The following TNRC6B variants were observed in gnomAD, a reference collection of about 807,000 sequenced individuals.
TNRC6B encodes the protein trinucleotide repeat containing adaptor 6B.
A neutral mutation model predicts 203.6 loss-of-function variants in TNRC6B; 52 were observed. The observed-to-expected ratio is 0.26, with a 90% confidence interval of 0.20 to 0.32. The LOEUF (loss-of-function observed/expected upper bound fraction) is 0.32, where lower values mean the gene tolerates loss of function less well. Among genes scored for constraint, TNRC6B ranks in the 10% least tolerant of loss-of-function variants. The pLI is 1.00. For missense variants in TNRC6B, 1,923 were observed against 2,286.2 expected, an observed-to-expected ratio of 0.84 and a Z score of 3.24; for synonymous variants, 838 against 845.7, an observed-to-expected ratio of 0.99 and a Z score of 0.16.
intron 15 of TNRC6B, among the ~76,000 whole-genome samples, chr22:40,302,124 A>G (rs1191329788): frequency 6.6e-6 from 1 of 152,236 alleles, no homozygotes; most frequent in Non-Finnish European, 1.5e-5. Context: ...AAGTAAGGTT[A>G]TGCCTTTAAC....
chr22:40,316,248 G>T (rs1052830927), intron 21 of TNRC6B, among the ~76,000 whole-genome samples: 1 of 152,056 alleles, frequency 6.6e-6, no homozygotes, highest in Non-Finnish European at 1.5e-5. Context: ...CAGCTACTCG[G>T]GAGGCTGAGG....
At chr22:40,106,621 CTT>C in intron 1 of TNRC6B, 1 of 729,478 alleles carries the variant, frequency 1.4e-6, no homozygotes, top group Admixed American at 1.8e-5. Context: ...CATTTAGTGA[CTT>C]TAGATTTGGG....
intron 3 of TNRC6B, among the ~76,000 whole-genome samples, chr22:40,154,839 T>TGAAAAA (rs1569000652): frequency 8.2e-5 from 1 of 12,166 alleles, no homozygotes; most frequent in African/African-American, 4.0e-4. Context: ...AGACTCTATC[T>TGAAAAA]CAAAAAAAAA....
At chr22:40,188,356 C>G (rs952271442) in intron 1 of TNRC6B, among the ~76,000 whole-genome samples, 4 of 152,070 alleles carry the variant, frequency 2.6e-5, no homozygotes, top group African/African-American at 9.7e-5. Context: ...CTGTGAAGTG[C>G]CCTGTCAGAG....
chr22:40,107,143 G>A (rs2068291940), intron 1 of TNRC6B: 2 of 577,816 alleles, frequency 3.5e-6, no homozygotes, highest in South Asian at 4.4e-5. Context: ...TGTTTGTCAG[G>A]TTTTTAATAC....
intron 1 of TNRC6B, among the ~76,000 whole-genome samples, chr22:40,239,987 T>G (rs2070006189): frequency 6.6e-6 from 1 of 151,986 alleles, no homozygotes; most frequent in Non-Finnish European, 1.5e-5. Flanking sequence ...CCCGCCACCA[T>G]GCCCAGCTAA....
At chr22:40,078,368 T>A (rs1333371254) in intron 1 of TNRC6B, among the ~76,000 whole-genome samples, 1 of 151,384 alleles carries the variant, frequency 6.6e-6, no homozygotes, top group Admixed American at 6.6e-5. Context: ...TACAAAAAAT[T>A]TAAAAATTAG....
At chr22:40,137,759 G>A (rs1160715320) in intron 3 of TNRC6B, among the ~76,000 whole-genome samples, 3 of 152,042 alleles carry the variant, frequency 2.0e-5, no homozygotes, top group Non-Finnish European at 4.4e-5. Context: ...CGAGGCGGGT[G>A]GATTACTTGA....
At chr22:40,206,598 T>C (rs2069481313) in intron 1 of TNRC6B, among the ~76,000 whole-genome samples, 1 of 152,154 alleles carries the variant, frequency 6.6e-6, no homozygotes, top group Admixed American at 6.5e-5. Context: ...TTTTAAAATT[T>C]ATATGGAAAA....
At chr22:40,074,205 C>G (rs2067983125) in intron 1 of TNRC6B, among the ~76,000 whole-genome samples, 1 of 146,644 alleles carries the variant, frequency 6.8e-6, no homozygotes, top group South Asian at 2.1e-4. Context: ...GCTCTCCAGC[C>G]TCGGTGACAG....
upstream of TNRC6B, among the ~76,000 whole-genome samples, chr22:40,177,692 G>A (rs1428289468): frequency 6.6e-6 from 1 of 152,162 alleles, no homozygotes; most frequent in East Asian, 1.9e-4. Context: ...AACCAATAAA[G>A]GTTTTTCTGT....
In TNRC6B at chr22:40,258,071, C is replaced by CTTTTTTTTTTTTTTTTTTT. The variant is rs56078653; in HGVS notation, c.116-3749_116-3731dup. On this transcript the variant is annotated intron_variant, in intron 3 of 22. Transcript: ENST00000454349. The stretch of plus-strand genomic sequence containing the variant: ...GAAATCAGAAAATAGGATACACAGC[C>CTTTTTTTTTTTTTTTTTTT]TTTTTTTTTTTTTTTTTTTTTTTTT... Among the ~76,000 whole-genome samples the CTTTTTTTTTTTTTTTTTTT allele has an allele frequency of 9.1e-4, 26 of 28,712 alleles. 3 individuals are homozygous for CTTTTTTTTTTTTTTTTTTT. The highest frequency in any genetic ancestry group is 1.2e-3 in the Non-Finnish European group (19 of 15,532). The allele number at this position is 28,712 out of a possible 152,430, so 18.8% of individuals were successfully genotyped here.
intron 3 of TNRC6B, among the ~76,000 whole-genome samples, chr22:40,148,031 G>C (rs1168217104): frequency 6.6e-6 from 1 of 152,104 alleles, no homozygotes; most frequent in South Asian, 2.1e-4. Context: ...GAACTTTATG[G>C]CATATAGGTT....
chr22:40,207,422 T>A (rs200382018), intron 1 of TNRC6B, among the ~76,000 whole-genome samples: 30,213 of 84,604 alleles, frequency 0.36, 4,573 homozygotes, highest in South Asian at 0.45. Context: ...AAAAAAAATA[T>A]ATATATATAT....
At chr22:40,119,099 A>G (rs533277292) in intron 2 of TNRC6B, among the ~76,000 whole-genome samples, 1 of 152,242 alleles carries the variant, frequency 6.6e-6, no homozygotes, top group South Asian at 2.1e-4. Flanking sequence ...AAATATTAAC[A>G]TATTTGGCAA....
intron 3 of TNRC6B, among the ~76,000 whole-genome samples, chr22:40,150,836 A>T (rs1192333819): frequency 6.6e-6 from 1 of 152,102 alleles, no homozygotes; most frequent in Non-Finnish European, 1.5e-5. Flanking sequence ...ATAGATGAGG[A>T]TGTATAGCTG....
chr22:40,151,887 G>T (rs1265092514), intron 3 of TNRC6B, among the ~76,000 whole-genome samples: 2 of 139,518 alleles, frequency 1.4e-5, no homozygotes, highest in African/African-American at 2.8e-5. Flanking sequence ...AAAGAAGAAA[G>T]AAAGCAAATC....
chr22:40,166,753 A>G (rs1160036792), intron 4 of TNRC6B, among the ~76,000 whole-genome samples: 1 of 151,928 alleles, frequency 6.6e-6, no homozygotes, highest in Non-Finnish European at 1.5e-5. Context: ...AAATTAGCTA[A>G]GCGTGGTGGC....
intron 3 of TNRC6B, among the ~76,000 whole-genome samples, chr22:40,151,564 A>AAAAG (rs2068755337): frequency 6.6e-6 from 1 of 151,228 alleles, no homozygotes; most frequent in Non-Finnish European, 1.5e-5. Flanking sequence ...AAAAAAGAAA[A>AAAAG]AAACTAAAAC....
Sources: allele counts gnomAD v4.1 joint callset (sites outside exome capture counted in the v4.1 genomes callset), GRCh38; gene constraint gnomAD v4.1.1; transcripts MANE v1.5; gene names NCBI Gene and HGNC (gene_info 2026-07-23, HGNC 2026-07-21).